MED24: variants seen among roughly 807,000 people sequenced by gnomAD.
MED24 encodes mediator of RNA polymerase II transcription subunit 24.
Under a neutral mutation model 118.8 loss-of-function variants are expected in MED24, and 74 were observed. That is an observed-to-expected ratio of 0.62 (90% confidence interval 0.52 to 0.76). MED24 has a LOEUF of 0.76. MED24 is among the 30% of genes least tolerant of loss of function. MED24 has a pLI of 0.00. For synonymous variants in MED24, 521 were observed against 523.9 expected (o/e 0.99, Z 0.08); for missense variants, 1,041 against 1,278.9 (o/e 0.81, Z 2.84).
chr17:40,025,618 G>A (rs774082165), intron 19 of MED24, among the ~76,000 whole-genome samples: 52 of 152,186 alleles, frequency 3.4e-4, no homozygotes, highest in Non-Finnish European at 1.8e-4. Flanking sequence ...ACAACAGTGT[G>A]AATATACTTA....
chr17:40,031,269 G>A, intron 11 of MED24, 24 bp from the exon 12 acceptor site: 1 of 1,551,272 alleles, frequency 6.4e-7, no homozygotes. Context: ...AGATGCTGAG[G>A]GAACTGGGCA....
chr17:40,045,461 A>C (rs896453268), intron 3 of MED24, among the ~76,000 whole-genome samples: 37 of 148,146 alleles, frequency 2.5e-4, no homozygotes, highest in African/African-American at 9.2e-4. Context: ...TCATCTCAAA[A>C]AAAAAAAAAA....
chr17:40,026,267 A>G lies in MED24; in HGVS notation c.1874T>C (p.Val625Ala), dbSNP rs1169898592. ...SLAVCAVAWL[V>A]AHVRMLGLDE... ...CAGCCCCAGCATCCGGACGTGGGCCACAAGCCAAGCCACAGCACACACCGC... is the reference window on the plus strand; with the variant it reads ...CAGCCCCAGCATCCGGACGTGGGCCGCAAGCCAAGCCACAGCACACACCGC... The change falls in exon 19 of 26, where the codon GTG (valine) becomes GCG (alanine). Residue 625 changes from valine to alanine, a missense_variant. By Grantham distance (64) the Val-to-Ala change is moderately conservative. Around this residue, in one of 3 missense-constraint regions of MED24, gnomAD observed 587 missense variants for 694.4 expected, o/e 0.85. Transcript: ENST00000394128. The G allele has an allele frequency of 6.2e-7, 1 of 1,614,176 alleles. No homozygotes were observed. Among genetic ancestry groups the G allele is most frequent in the Non-Finnish European group, 8.5e-7 (1 of 1,180,050 alleles).
chr17:40,027,699 G>A (rs776187517), intron 15 of MED24: 12 of 675,896 alleles, frequency 1.8e-5, no homozygotes, highest in Non-Finnish European at 2.8e-5. Context: ...AAGGGATGAG[G>A]GGGGGAAGGA....
chr17:40,023,196 T>A lies in MED24; in HGVS notation c.2185A>T (p.Ile729Phe), dbSNP rs376616538. ...TGCAGCAGGGTGTCAAAGATGTGGA[T>A]GGAGCGGCTGTCCACCCAGCCCTTC... is the stretch of plus-strand genomic sequence containing the variant. The part of the protein sequence containing the change: ...LEKGWVDSRS[I>F]HIFDTLLHMG... Residue 729 changes from isoleucine (I) to phenylalanine (F), a missense_variant, in exon 20 of 26, where the codon ATC becomes TTC. Transcript: ENST00000394128. The A allele has an allele frequency of 9.9e-6, 16 of 1,613,984 alleles. No homozygotes were observed. In the East Asian group the frequency reaches 3.3e-4, roughly 34 times the overall value.
intron 23 of MED24, 71 bp downstream of exon 23, chr17:40,021,884 C>T: frequency 7.8e-6 from 9 of 1,149,344 alleles, no homozygotes; most frequent in Non-Finnish European, 1.1e-5. Context: ...GCTGGGGCAG[C>T]GGCAGAGTGG....
intron 3 of MED24, among the ~76,000 whole-genome samples, chr17:40,037,357 G>C (rs901236859): frequency 1.3e-5 from 2 of 152,094 alleles, no homozygotes; most frequent in Non-Finnish European, 2.9e-5. Flanking sequence ...CCCCCACAAA[G>C]CTGAAACCCT....
chr17:40,053,762 A>G, intron 1 of MED24, 127 bp from the exon 2 acceptor site: 1 of 1,239,816 alleles, frequency 8.1e-7, no homozygotes, highest in Non-Finnish European at 1.1e-6. Flanking sequence ...ATTTGAAAGA[A>G]AAAGAGCTAA....
chr17:40,029,541 T>G (rs1983124726), intron 13 of MED24, among the ~76,000 whole-genome samples: 1 of 152,212 alleles, frequency 6.6e-6, no homozygotes, highest in African/African-American at 2.4e-5. Flanking sequence ...AAGCGCCTAC[T>G]GCAGTGCCTG....
chr17:40,035,443 TA>T, intron 5 of MED24, 94 bp from the exon 6 acceptor site: 2 of 1,292,628 alleles, frequency 1.5e-6, no homozygotes, highest in Non-Finnish European at 2.1e-6. Flanking sequence ...ACTCCCCTAC[TA>T]GGGACTAGGG....
At chr17:40,049,439 T>A (rs1269109222) in intron 3 of MED24, among the ~76,000 whole-genome samples, 3 of 152,240 alleles carry the variant, frequency 2.0e-5, no homozygotes, top group Non-Finnish European at 4.4e-5. Context: ...CACACTGGAC[T>A]GGGTGCCTTT....
intron 6 of MED24, among the ~76,000 whole-genome samples, chr17:40,034,474 T>C (rs1407496279): frequency 6.6e-6 from 1 of 152,166 alleles, no homozygotes; most frequent in East Asian, 1.9e-4. Context: ...CCAAGCCACT[T>C]GGGCTTCAAG....
At chr17:40,031,369 G>A (rs903121761) in intron 11 of MED24, 124 bp from the exon 12 acceptor site, 5 of 1,220,136 alleles carry the variant, frequency 4.1e-6, no homozygotes, top group Non-Finnish European at 5.9e-6. Context: ...GTGCCTGAGG[G>A]ACGGTAGAGG....
intron 3 of MED24, 122 bp downstream of exon 3, chr17:40,053,176 C>T: frequency 2.1e-6 from 2 of 939,232 alleles, no homozygotes; most frequent in Non-Finnish European, 3.2e-6. Flanking sequence ...CTCAAGCAAT[C>T]CGCCTGCCTC....
chr17:40,051,721 G>T (rs1337203754), intron 3 of MED24, among the ~76,000 whole-genome samples: 1 of 151,434 alleles, frequency 6.6e-6, no homozygotes, highest in South Asian at 2.1e-4. Flanking sequence ...TCAGGAGTTC[G>T]AGACCAGCCT....
intron 3 of MED24, among the ~76,000 whole-genome samples, chr17:40,052,659 T>C (rs925901133): frequency 1.3e-5 from 2 of 152,286 alleles, no homozygotes; most frequent in African/African-American, 4.8e-5. Flanking sequence ...TGGAGTGCAG[T>C]GGCACAATCA....
chr17:40,034,948 C>T, intron 6 of MED24, 169 bp downstream of exon 6: 2 of 1,574,610 alleles, frequency 1.3e-6, no homozygotes, highest in South Asian at 2.3e-5. Flanking sequence ...GCCACCCTGC[C>T]CAAGTCCCTG....
intron 1 of MED24, chr17:40,053,851 C>T (rs576793439): frequency 6.2e-6 from 4 of 650,180 alleles, no homozygotes; most frequent in Admixed American, 5.8e-5. Flanking sequence ...AAAGTATCGG[C>T]CGAGCGCAGT....
chr17:40,022,340 G>A, intron 22 of MED24, 54 bp downstream of exon 22: 2 of 1,522,988 alleles, frequency 1.3e-6, no homozygotes, highest in Admixed American at 1.9e-5. Flanking sequence ...CTTAGGAAAT[G>A]CTGTAACAAA....
Sources: allele counts gnomAD v4.1 joint callset (sites outside exome capture counted in the v4.1 genomes callset), GRCh38; gene constraint gnomAD v4.1.1; regional missense constraint gnomAD v4.1.1; transcripts MANE v1.5; gene names NCBI Gene and HGNC (gene_info 2026-07-23, HGNC 2026-07-21).